Variants in TNR observed in about 807,000 individuals in gnomAD.
TNR encodes tenascin-R.
A neutral mutation model predicts 150.4 loss-of-function variants in TNR; 45 were observed. That is an observed-to-expected ratio of 0.30 (90% CI 0.24 to 0.38). The LOEUF is 0.38. Among genes scored for constraint, TNR ranks in the 10% least tolerant of loss-of-function variants. The probability of loss-of-function intolerance (pLI) is 1.00; values close to 1 mark genes in which losing one functional copy is unlikely to be tolerated. For synonymous variants in TNR, 687 were observed against 678.4 expected (o/e 1.01, Z -0.20); for missense variants, 1,544 against 1,759.1 (o/e 0.88, Z 2.19).
chr1:175,323,377 G>T lies in TNR; in HGVS notation c.4057C>A (p.Arg1353=). The T allele has an allele frequency of 1.2e-6, 2 of 1,614,124 alleles. No homozygotes were observed. The highest frequency in any genetic ancestry group is 1.7e-6 in the Non-Finnish European group (2 of 1,179,978). ...ACTGCTCAGAACTGTAAGGACTGCC[G>T]TTTTCTCCCTGCCATGAGACGGTGG... ...YNHRLMAGRK[R]QSLQF Residue 1353 remains arginine, a synonymous_variant, in exon 23 of 23, where the codon CGG becomes AGG. Coordinates refer to ENST00000367674, the MANE Select transcript of TNR (RefSeq NM_003285.3).
intron 9 of TNR, among the ~76,000 whole-genome samples, chr1:175,369,079 T>C (rs954520301): frequency 1.3e-5 from 2 of 152,344 alleles, no homozygotes; most frequent in Admixed American, 1.3e-4. Flanking sequence ...GGGCTTTGTG[T>C]GGGCTCATGG....
At chr1:175,397,339 G>C (rs185398847) in intron 4 of TNR, among the ~76,000 whole-genome samples, 1 of 152,298 alleles carries the variant, frequency 6.6e-6, no homozygotes. Flanking sequence ...ATTGGCCATG[G>C]AGAGAGTATT....
At chr1:175,548,750 A>G (rs1287082748) in intron 1 of TNR, among the ~76,000 whole-genome samples, 11 of 152,118 alleles carry the variant, frequency 7.2e-5, no homozygotes, top group Non-Finnish European at 1.2e-4. Context: ...AGGCTAATGA[A>G]CTACAGAATA....
At chr1:175,400,399 T>C (rs1557909046) in intron 4 of TNR, among the ~76,000 whole-genome samples, 1 of 152,222 alleles carries the variant, frequency 6.6e-6, no homozygotes, top group Non-Finnish European at 1.5e-5. Context: ...TTTTTAAATC[T>C]GTAAAATGAG....
chr1:175,332,939 T>C (rs1438844762), intron 20 of TNR, among the ~76,000 whole-genome samples: 1 of 152,218 alleles, frequency 6.6e-6, no homozygotes, highest in Non-Finnish European at 1.5e-5. Flanking sequence ...GAAAGGTATT[T>C]CCAAATTTAA....
At chr1:175,467,775 C>T (rs1657097239) in intron 2 of TNR, among the ~76,000 whole-genome samples, 1 of 152,180 alleles carries the variant, frequency 6.6e-6, no homozygotes, top group African/African-American at 2.4e-5. Context: ...AGGCTCCTCT[C>T]TGACCTACAA....
chr1:175,704,974 AG>A (rs924681278), intron 1 of TNR, among the ~76,000 whole-genome samples: 1 of 152,152 alleles, frequency 6.6e-6, no homozygotes, highest in Admixed American at 6.5e-5. Flanking sequence ...TTCCTCAGCA[AG>A]GTGAAAACAG....
chr1:175,505,473 C>T lies in TNR; in HGVS notation c.-64+22796G>A, dbSNP rs566379356. 1.4e-4 allele frequency among the ~76,000 whole-genome samples: 21 copies of T among 152,332 alleles called. No homozygotes were observed. In the South Asian group the frequency reaches 4.3e-3, roughly 32 times the overall value. Reference sequence around the variant, plus strand: ...GGCTTTTTCCAGGAGGTCAGCAACCCGCCTCACTACACCTATGGAGGAGGC... The same window carrying T: ...GGCTTTTTCCAGGAGGTCAGCAACCTGCCTCACTACACCTATGGAGGAGGC... On this transcript the variant is annotated intron_variant, in intron 2 of 22. Coordinates refer to ENST00000367674, the MANE Select transcript of TNR (RefSeq NM_003285.3).
chr1:175,631,478 T>C (rs1236567319), intron 1 of TNR, among the ~76,000 whole-genome samples: 2 of 152,240 alleles, frequency 1.3e-5, no homozygotes, highest in South Asian at 2.1e-4. Context: ...GAGATTTTTT[T>C]CTTTGGTGAT....
chr1:175,526,591 T>C (rs1365636968), intron 2 of TNR, among the ~76,000 whole-genome samples: 1 of 152,220 alleles, frequency 6.6e-6, no homozygotes, highest in African/African-American at 2.4e-5. Context: ...ACTCCCCAAA[T>C]ATCACATTTA....
chr1:175,452,933 G>T (rs1000516690), intron 2 of TNR, among the ~76,000 whole-genome samples: 1 of 152,170 alleles, frequency 6.6e-6, no homozygotes, highest in Non-Finnish European at 1.5e-5. Context: ...GTCATTATGT[G>T]GAGGGAGAGA....
intron 6 of TNR, among the ~76,000 whole-genome samples, chr1:175,393,230 A>T (rs1002916226): frequency 6.6e-6 from 1 of 152,240 alleles, no homozygotes; most frequent in African/African-American, 2.4e-5. Context: ...TAAAAGTCAT[A>T]GACTAATAAA....
chr1:175,705,189 C>A (rs968947623), intron 1 of TNR, among the ~76,000 whole-genome samples: 2 of 152,210 alleles, frequency 1.3e-5, no homozygotes, highest in Admixed American at 1.3e-4. Flanking sequence ...AGGCCATGGT[C>A]TCAGAGATAG....
At chr1:175,436,230 T>A (rs1417966292) in intron 2 of TNR, among the ~76,000 whole-genome samples, 1 of 152,212 alleles carries the variant, frequency 6.6e-6, no homozygotes, top group Non-Finnish European at 1.5e-5. Context: ...TCCTGCAGAG[T>A]GTTTTCCAAC....
chr1:175,738,575 C>T lies in TNR; in HGVS notation c.-165+4651G>A, dbSNP rs537260141. On this transcript the variant is annotated intron_variant, in intron 1 of 22. Coordinates refer to ENST00000367674, the MANE Select transcript of TNR (RefSeq NM_003285.3). The stretch of plus-strand genomic sequence containing the variant: ...TTCAATTTGGAAAAATGAGAAAGTT[C>T]GGAAAATGGATGATGGTGATGATGG... Among the ~76,000 whole-genome samples the T allele has an allele frequency of 1.4e-4, 22 of 152,022 alleles. No homozygotes were observed. The South Asian group carries it at 2.5e-3, about 17-fold the overall frequency.
At chr1:175,448,372 T>C (rs1415044497) in intron 2 of TNR, among the ~76,000 whole-genome samples, 6 of 152,248 alleles carry the variant, frequency 3.9e-5, no homozygotes, top group Non-Finnish European at 2.9e-5. Flanking sequence ...CCACCACGCC[T>C]GGCTAATTTT....
chr1:175,492,452 C>T (rs1222896067), intron 2 of TNR, among the ~76,000 whole-genome samples: 1 of 152,176 alleles, frequency 6.6e-6, no homozygotes, highest in Non-Finnish European at 1.5e-5. Flanking sequence ...AAGCCGTCCA[C>T]AAGCTTGGAC....
At chr1:175,661,492 G>A (rs1451542390) in intron 1 of TNR, among the ~76,000 whole-genome samples, 1 of 152,132 alleles carries the variant, frequency 6.6e-6, no homozygotes, top group Non-Finnish European at 1.5e-5. Flanking sequence ...ATGGGTTTGG[G>A]TTGGGCCTTG....
chr1:175,318,606 A>C lies in TNR; in HGVS notation c.*4751T>G, dbSNP rs1428611040. The C allele has an allele frequency of 6.6e-6, 1 of 152,200 alleles. No individual in the cohort carries two copies. Among genetic ancestry groups the C allele is most frequent in the Non-Finnish European group, 1.5e-5 (1 of 68,070 alleles). 9.4% of individuals were successfully genotyped at this position (152,200 alleles called of 1,614,324 possible). On this transcript the variant is annotated 3_prime_UTR_variant, in exon 23 of 23. Coordinates refer to ENST00000367674, the MANE Select transcript of TNR (RefSeq NM_003285.3). ...GAAAGCTTTATCACATATGTGTAGG[A>C]TTGGGTTATGGAAGAAGCAAAGGTT...
Sources: gnomAD v4.1 joint callset for allele counts (sites outside exome capture counted in the v4.1 genomes callset) on GRCh38, gnomAD v4.1.1 for gene constraint, MANE v1.5 for transcripts, NCBI Gene and HGNC (gene_info 2026-07-23, HGNC 2026-07-21) for gene names.